The following VIT variants were observed in gnomAD, a reference collection of about 807,000 sequenced individuals.
VIT encodes vitrin.
VIT carries 99 observed loss-of-function variants against 78.0 expected under a neutral mutation model. The observed-to-expected ratio is 1.27, with a 90% CI of 1.08 to 1.50. The LOEUF is 1.50. Ranked by LOEUF, VIT falls within the 40% of genes most tolerant of loss-of-function variation. VIT has a pLI of 0.00. For missense variants in VIT, 1,126 were observed against 875.3 expected, an observed-to-expected ratio of 1.29 and a Z score of -3.61; for synonymous variants, 374 against 334.3, an observed-to-expected ratio of 1.12 and a Z score of -1.29.
chr2:36,743,535 T>G (rs564218336), intron 4 of VIT, among the ~76,000 whole-genome samples: 36 of 152,248 alleles, frequency 2.4e-4, no homozygotes, highest in Non-Finnish European at 4.8e-4. Context: ...TGCTCCTCTA[T>G]ACATAATGTG....
intron 1 of VIT, among the ~76,000 whole-genome samples, chr2:36,710,649 T>A (rs959226423): frequency 9.2e-5 from 14 of 152,200 alleles, no homozygotes; most frequent in Admixed American, 2.6e-4. Flanking sequence ...AATGTAAAAT[T>A]GAAGGGAATG....
At chr2:36,731,294 A>C (rs1667190899) in intron 3 of VIT, among the ~76,000 whole-genome samples, 1 of 151,876 alleles carries the variant, frequency 6.6e-6, no homozygotes, top group South Asian at 2.1e-4. Context: ...TTTATTTTTG[A>C]GATGGAGTCT....
chr2:36,745,820 G>C (rs933174730), intron 4 of VIT, among the ~76,000 whole-genome samples: 1 of 152,034 alleles, frequency 6.6e-6, no homozygotes, highest in Admixed American at 6.6e-5. Context: ...TGGTTGCTTT[G>C]GCTAGGACTT....
intron 9 of VIT, among the ~76,000 whole-genome samples, chr2:36,777,052 G>A (rs976444517): frequency 2.8e-5 from 4 of 142,026 alleles, no homozygotes; most frequent in Non-Finnish European, 4.7e-5. Context: ...TCACGCCACT[G>A]CACTCCAGCC....
chr2:36,726,155 T>G (rs574644420), intron 2 of VIT, among the ~76,000 whole-genome samples: 4 of 152,156 alleles, frequency 2.6e-5, no homozygotes, highest in Non-Finnish European at 5.9e-5. Flanking sequence ...GAAATTCTAT[T>G]TGGAAATTTA....
At chr2:36,738,821 G>A (rs1667663881) in intron 3 of VIT, among the ~76,000 whole-genome samples, 1 of 152,192 alleles carries the variant, frequency 6.6e-6, no homozygotes, top group South Asian at 2.1e-4. Flanking sequence ...AGAAACTATG[G>A]AATGGCCTTA....
intron 1 of VIT, among the ~76,000 whole-genome samples, chr2:36,708,795 G>A (rs910824673): frequency 6.6e-6 from 1 of 152,148 alleles, no homozygotes; most frequent in African/African-American, 2.4e-5. Flanking sequence ...TGCCATCACT[G>A]CACCCCTAGC....
Position 36,814,188 on chromosome 2 carries a change from A to C in VIT, c.1909A>C (p.Ile637Leu). Residue 637 changes from isoleucine (I) to leucine (L), a missense_variant, in exon 16 of 16, where the codon ATC (isoleucine) becomes CTC (leucine). Physicochemically the swap from Ile to Leu is conservative, Grantham distance 5. Transcript: ENST00000379242. ...PAMAAHLKGV[I>L]TYAIGVAWAA... Reference sequence around the variant, plus strand: ...TCTAACCTTTGTCCCCACAGGAGTGATCACCTATGCGATAGGCGTTGCCTG... The same window carrying C: ...TCTAACCTTTGTCCCCACAGGAGTGCTCACCTATGCGATAGGCGTTGCCTG... 1 of 1,614,190 alleles carries C rather than the reference A, an allele frequency of 6.2e-7. No individual in the cohort carries two copies. The highest frequency in any genetic ancestry group is 8.5e-7 in the Non-Finnish European group (1 of 1,180,016).
At chr2:36,718,064 T>C (rs1666275300) in intron 2 of VIT, among the ~76,000 whole-genome samples, 1 of 152,174 alleles carries the variant, frequency 6.6e-6, no homozygotes, top group South Asian at 2.1e-4. Flanking sequence ...CATTTTCCCT[T>C]TTTATAATGA....
In VIT at chr2:36,792,385, G is replaced by GT. The variant is rs1665564712; in HGVS notation, c.1058+5114dup. 2.0e-5 allele frequency among the ~76,000 whole-genome samples: 3 copies of GT among 152,062 alleles called. No homozygotes were observed. The South Asian group carries it at 6.3e-4, about 32-fold the overall frequency. On this transcript the variant is annotated intron_variant, in intron 12 of 15. Transcript: ENST00000379242. ...TGCCCAAGAATCATAAGATTCTGAG[G>GT]TTTTTCTTCTGCCTCCCATGCTTTT...
chr2:36,798,822 G>A (rs1473807824), intron 12 of VIT, among the ~76,000 whole-genome samples: 1 of 152,104 alleles, frequency 6.6e-6, no homozygotes, highest in African/African-American at 2.4e-5. Context: ...CCGAGGGGAA[G>A]AATACAGAGT....
intron 2 of VIT, among the ~76,000 whole-genome samples, chr2:36,727,266 G>C (rs893528134): frequency 6.6e-6 from 1 of 152,058 alleles, no homozygotes; most frequent in Admixed American, 6.5e-5. Context: ...CCTGCATTCA[G>C]CCTTCCCTCA....
At chr2:36,722,132 T>C (rs1020057310) in intron 2 of VIT, among the ~76,000 whole-genome samples, 2 of 152,258 alleles carry the variant, frequency 1.3e-5, no homozygotes, top group Non-Finnish European at 2.9e-5. Flanking sequence ...ATGTGTTTAA[T>C]TAATATATTT....
At chr2:36,755,955 ATTTTTTTTTTT>A (rs58344336) in intron 5 of VIT, among the ~76,000 whole-genome samples, 1 of 108,620 alleles carries the variant, frequency 9.2e-6, no homozygotes, top group Non-Finnish European at 1.8e-5. Flanking sequence ...ACAACACAGT[ATTTTTTTTTTT>A]TTTTTTTTGA....
intron 5 of VIT, among the ~76,000 whole-genome samples, chr2:36,757,268 A>G (rs1357606026): frequency 6.6e-6 from 1 of 152,188 alleles, no homozygotes; most frequent in African/African-American, 2.4e-5. Context: ...TATGCCCCTG[A>G]GCTCCTTAAC....
In VIT at chr2:36,776,067, C is replaced by T. The variant is rs188215518; in HGVS notation, c.802+1000C>T. Reference sequence around the variant, plus strand: ...TCTAACTTCTCACCTGAAAATGAATCACTTATGGTGTGCCAGACAGAGGCC... The same window carrying T: ...TCTAACTTCTCACCTGAAAATGAATTACTTATGGTGTGCCAGACAGAGGCC... On this transcript the variant is annotated intron_variant, in intron 9 of 15. Transcript: ENST00000379242. Among the ~76,000 whole-genome samples the T allele has an allele frequency of 1.5e-3, 221 of 152,332 alleles. 1 individual carries two copies. The highest frequency in any genetic ancestry group is 2.2e-3 in the Non-Finnish European group (150 of 68,028).
intron 3 of VIT, among the ~76,000 whole-genome samples, chr2:36,740,908 G>T (rs1400722893): frequency 6.6e-6 from 1 of 152,206 alleles, no homozygotes; most frequent in African/African-American, 2.4e-5. Flanking sequence ...TAATACTCAT[G>T]AAATAAGCTT....
At chr2:36,731,240 A>G (rs1667187250) in intron 3 of VIT, among the ~76,000 whole-genome samples, 1 of 152,114 alleles carries the variant, frequency 6.6e-6, no homozygotes, top group South Asian at 2.1e-4. Flanking sequence ...ACTGGCCAGC[A>G]GTAAGGCAGA....
intron 2 of VIT, 86 bp downstream of exon 2, chr2:36,716,508 A>T: frequency 1.7e-6 from 2 of 1,177,946 alleles, no homozygotes; most frequent in Non-Finnish European, 2.5e-6. Flanking sequence ...TTTTAAACCA[A>T]GACAGAGCAT....
Sources: allele counts gnomAD v4.1 joint callset (sites outside exome capture counted in the v4.1 genomes callset), GRCh38; gene constraint gnomAD v4.1.1; transcripts MANE v1.5; gene names NCBI Gene and HGNC (gene_info 2026-07-23, HGNC 2026-07-21).